Variants in RHOU observed in about 807,000 individuals in gnomAD.
RHOU encodes rho-related GTP-binding protein RhoU.
Under a neutral mutation model 12.6 loss-of-function variants are expected in RHOU, and 8 were observed. The observed-to-expected ratio is 0.64, with a 90% CI of 0.37 to 1.15. RHOU has a LOEUF of 1.15. Ranked by LOEUF, RHOU falls within the 50% of genes most tolerant of loss-of-function variation. The pLI, the probability that RHOU is intolerant of heterozygous loss-of-function variation, is 0.01. For missense variants in RHOU, 258 were observed against 347.0 expected, an observed-to-expected ratio of 0.74 and a Z score of 2.04; for synonymous variants, 161 against 147.4, an observed-to-expected ratio of 1.09 and a Z score of -0.67.
chr1:228,728,575 C>T, the RHOU span, among the ~76,000 whole-genome samples: 174 of 152,234 alleles, frequency 1.1e-3, no homozygotes, highest in African/African-American at 4.0e-3. Flanking sequence ...AAAAAGTTTA[C>T]AATATGTGAT....
chr1:228,736,055 A>C, intron 1 of RHOU, 51 bp downstream of exon 1: 2 of 1,535,824 alleles, frequency 1.3e-6, no homozygotes, highest in East Asian at 2.6e-5. Context: ...CGGTCCACCC[A>C]GGGGAAGGAA....
At chr1:228,702,351 C>G in the RHOU span, among the ~76,000 whole-genome samples, 1 of 152,112 alleles carries the variant, frequency 6.6e-6, no homozygotes, top group Non-Finnish European at 1.5e-5. Context: ...AATTTACATA[C>G]TAGGTATAGA....
At chr1:228,671,734 A>AAG in the RHOU span, among the ~76,000 whole-genome samples, 1 of 151,298 alleles carries the variant, frequency 6.6e-6, no homozygotes, top group African/African-American at 2.4e-5. Flanking sequence ...AAAAAAAAAA[A>AAG]AGAGAACTAA....
At chr1:228,666,322 A>G in the RHOU span, among the ~76,000 whole-genome samples, 1 of 152,320 alleles carries the variant, frequency 6.6e-6, no homozygotes, top group South Asian at 2.1e-4. Context: ...GTTGTTGTAC[A>G]TAGTCATGAG....
At chr1:228,712,783 ACAT>A in the RHOU span, among the ~76,000 whole-genome samples, 1 of 151,236 alleles carries the variant, frequency 6.6e-6, no homozygotes, top group Non-Finnish European at 1.5e-5. Context: ...CACATTGTGC[ACAT>A]GTACCCTAAA....
the RHOU span, among the ~76,000 whole-genome samples, chr1:228,656,931 A>G: frequency 6.6e-6 from 1 of 152,208 alleles, no homozygotes. Context: ...TATGCTGTCT[A>G]CAAGAGAGAA....
rs182553185 is a variant in RHOU at position 228,746,582 on chromosome 1, T to C, written c.*2842T>C. On this transcript the variant is annotated 3_prime_UTR_variant, in exon 3 of 3. Coordinates refer to ENST00000366691, the MANE Select transcript of RHOU (RefSeq NM_021205.6). ...CTTACCAAGTTGTGCTTTTCTGTTT[T>C]CAAGTGTAAATGATGTTGAGCAGAA... 9.1e-4 allele frequency: 139 copies of C among 152,354 alleles called. No individual in the cohort carries two copies. Among genetic ancestry groups the C allele is most frequent in the African/African-American group, 3.2e-3 (132 of 41,584 alleles). The allele number at this position is 152,354 out of a possible 1,614,324, so 9.4% of individuals were successfully genotyped here. A position where few individuals can be genotyped will look rare whatever the true frequency, so the allele number is the denominator to read the frequency against.
At chr1:228,647,312 G>T in the RHOU span, among the ~76,000 whole-genome samples, 2 of 152,352 alleles carry the variant, frequency 1.3e-5, no homozygotes, top group South Asian at 4.1e-4. Flanking sequence ...TTGGTGCGGT[G>T]CAGTGGGCCC....
chr1:228,702,610 A>G, the RHOU span, among the ~76,000 whole-genome samples: 1 of 152,236 alleles, frequency 6.6e-6, no homozygotes, highest in Non-Finnish European at 1.5e-5. Flanking sequence ...TATCAAAAAC[A>G]TAACAGAAGC....
chr1:228,699,140 A>G, the RHOU span, among the ~76,000 whole-genome samples: 1 of 151,706 alleles, frequency 6.6e-6, no homozygotes, highest in Non-Finnish European at 1.5e-5. Context: ...TAATGTATTA[A>G]AGCCTTACCG....
At chr1:228,646,864 G>T in the RHOU span, among the ~76,000 whole-genome samples, 3 of 151,922 alleles carry the variant, frequency 2.0e-5, no homozygotes, top group Non-Finnish European at 4.4e-5. Context: ...AGGAGAAGAT[G>T]GATGGAGAGA....
chr1:228,646,733 C>A, the RHOU span, among the ~76,000 whole-genome samples: 1 of 151,886 alleles, frequency 6.6e-6, no homozygotes, highest in African/African-American at 2.4e-5. Flanking sequence ...CAAATCCACT[C>A]CCCCACACAC....
At chr1:228,721,473 C>T in the RHOU span, among the ~76,000 whole-genome samples, 1 of 152,130 alleles carries the variant, frequency 6.6e-6, no homozygotes, top group African/African-American at 2.4e-5. Context: ...TAGTCAAAGC[C>T]AAGCCCTTGT....
the RHOU span, among the ~76,000 whole-genome samples, chr1:228,696,668 C>T: frequency 6.6e-6 from 1 of 152,136 alleles, no homozygotes; most frequent in Non-Finnish European, 1.5e-5. Context: ...CCATCTCAGC[C>T]TCCCTAGTAG....
the RHOU span, among the ~76,000 whole-genome samples, chr1:228,713,056 A>T: frequency 1.3e-5 from 2 of 151,758 alleles, no homozygotes; most frequent in Admixed American, 1.3e-4. Context: ...TAAGGTACAT[A>T]TTTGGTGTTT....
At chr1:228,736,052 C>T in intron 1 of RHOU, 48 bp downstream of exon 1, 1 of 1,544,664 alleles carries the variant, frequency 6.5e-7, no homozygotes, top group Non-Finnish European at 8.7e-7. Context: ...CCGCGGTCCA[C>T]CCAGGGGAAG....
the RHOU span, among the ~76,000 whole-genome samples, chr1:228,686,331 G>A: frequency 6.6e-6 from 1 of 151,996 alleles, no homozygotes; most frequent in Non-Finnish European, 1.5e-5. Flanking sequence ...TTCTGTTTGA[G>A]GAGATGAAAT....
chr1:228,699,679 C>T, the RHOU span, among the ~76,000 whole-genome samples: 1 of 142,380 alleles, frequency 7.0e-6, no homozygotes, highest in African/African-American at 3.1e-5. Flanking sequence ...GCAATTGTAT[C>T]TGTAGTGACT....
the RHOU span, chr1:228,650,490 C>A: frequency 2.2e-6 from 1 of 456,500 alleles, no homozygotes; most frequent in Non-Finnish European, 4.4e-6. Flanking sequence ...TCCTGGTGGC[C>A]GTGATGGTGC....
Sources: gnomAD v4.1 joint callset for allele counts (sites outside exome capture counted in the v4.1 genomes callset) on GRCh38, gnomAD v4.1.1 for gene constraint, MANE v1.5 for transcripts, NCBI Gene and HGNC (gene_info 2026-07-23, HGNC 2026-07-21) for gene names.